Variants in SH3GL2 observed in about 807,000 individuals in gnomAD.
SH3GL2 encodes the protein endophilin-A1.
In SH3GL2, 24 loss-of-function variants were observed where a neutral mutation model predicts 46.0. That is an observed-to-expected ratio of 0.52 (90% CI 0.38 to 0.73). The LOEUF (loss-of-function observed/expected upper bound fraction) is 0.73, where lower values mean the gene tolerates loss of function less well. Ranked by LOEUF, SH3GL2 falls within the 30% of genes least tolerant of loss-of-function variation. The pLI, the probability that SH3GL2 is intolerant of heterozygous loss-of-function variation, is 0.00. For missense variants in SH3GL2, 413 were observed against 424.2 expected (o/e 0.97, Z 0.23); for synonymous variants, 196 against 147.1 (o/e 1.33, Z -2.40).
intron 1 of SH3GL2, among the ~76,000 whole-genome samples, chr9:17,584,540 G>A (rs1818336722): frequency 6.6e-6 from 1 of 152,128 alleles, no homozygotes. Context: ...GTCATCAGGA[G>A]AAAGTGGATG....
intron 3 of SH3GL2, among the ~76,000 whole-genome samples, chr9:17,784,861 C>T (rs1454704708): frequency 3.3e-5 from 5 of 152,126 alleles, no homozygotes; most frequent in Non-Finnish European, 5.9e-5. Flanking sequence ...TACAGGTGGG[C>T]ACCACCATGC....
chr9:17,762,637 G>A (rs1346124751), intron 3 of SH3GL2, among the ~76,000 whole-genome samples: 1 of 152,172 alleles, frequency 6.6e-6, no homozygotes, highest in Non-Finnish European at 1.5e-5. Flanking sequence ...GCTTATGTGA[G>A]GGAGGAAAAT....
intron 1 of SH3GL2, among the ~76,000 whole-genome samples, chr9:17,678,927 A>AGTCT (rs997107571): frequency 6.6e-6 from 1 of 152,194 alleles, no homozygotes; most frequent in African/African-American, 2.4e-5. Flanking sequence ...GATTTGTCAA[A>AGTCT]GATCAGACTG....
intron 1 of SH3GL2, among the ~76,000 whole-genome samples, chr9:17,692,335 G>A (rs1231005737): frequency 2.0e-5 from 3 of 150,850 alleles, no homozygotes; most frequent in Non-Finnish European, 4.4e-5. Context: ...ACTATTACAT[G>A]TGCTTGCTTG....
chr9:17,726,957 A>G (rs1223688606), intron 1 of SH3GL2, among the ~76,000 whole-genome samples: 2 of 152,168 alleles, frequency 1.3e-5, no homozygotes, highest in Non-Finnish European at 2.9e-5. Flanking sequence ...ACTACAAGGC[A>G]TAGATTCCAG....
intron 1 of SH3GL2, among the ~76,000 whole-genome samples, chr9:17,599,123 C>A (rs375776116): frequency 6.6e-6 from 1 of 152,096 alleles, no homozygotes; most frequent in Non-Finnish European, 1.5e-5. Context: ...AAATTTAATC[C>A]TTTTTGTCAC....
At chr9:17,596,969 A>G (rs1365387840) in intron 1 of SH3GL2, among the ~76,000 whole-genome samples, 2 of 152,182 alleles carry the variant, frequency 1.3e-5, no homozygotes, top group African/African-American at 2.4e-5. Flanking sequence ...GATGGCTTCA[A>G]TGGCAAGTGC....
At chr9:17,784,591 A>C (rs899529341) in intron 3 of SH3GL2, among the ~76,000 whole-genome samples, 1 of 152,220 alleles carries the variant, frequency 6.6e-6, no homozygotes, top group East Asian at 1.9e-4. Context: ...ACTTGTTGCC[A>C]CTGTTTATCT....
rs1822761267 is a variant in SH3GL2, at chr9:17,748,722, G to T, written c.114+1588G>T. Among the ~76,000 whole-genome samples, 4 of 152,144 alleles carry T rather than the reference G, an allele frequency of 2.6e-5. No homozygotes were observed. In the South Asian group the frequency reaches 8.3e-4, roughly 32 times the overall value. ...GAGTGCATGAAGTTCGTAGTCTAGT[G>T]GGGAGGGCAAACTTGGGGCAAGTAA... is the stretch of plus-strand genomic sequence containing the variant. On this transcript the variant is annotated intron_variant, in intron 2 of 8. Transcript: ENST00000380607.
chr9:17,791,105 A>G (rs1824113856), intron 6 of SH3GL2, 126 bp from the exon 7 acceptor site: 3 of 667,638 alleles, frequency 4.5e-6, no homozygotes, highest in Non-Finnish European at 8.2e-6. Flanking sequence ...CTTATCACAC[A>G]GTCATCAGCA....
chr9:17,588,088 A>G (rs993738541), intron 1 of SH3GL2, among the ~76,000 whole-genome samples: 2 of 152,174 alleles, frequency 1.3e-5, no homozygotes, highest in African/African-American at 2.4e-5. Flanking sequence ...TCTTAATGGT[A>G]CTTTGTTGCT....
chr9:17,589,584 A>G (rs1404272436), intron 1 of SH3GL2: 1 of 152,180 alleles, frequency 6.6e-6, no homozygotes, highest in African/African-American at 2.4e-5. Flanking sequence ...CTGAATTCTT[A>G]GTCTCTGACA....
chr9:17,664,901 T>G (rs990381642), intron 1 of SH3GL2, among the ~76,000 whole-genome samples: 24 of 152,002 alleles, frequency 1.6e-4, no homozygotes, highest in African/African-American at 5.8e-4. Flanking sequence ...GAAGAGTTTC[T>G]TTGCTTGAAA....
chr9:17,678,076 C>A (rs1820660947), intron 1 of SH3GL2, among the ~76,000 whole-genome samples: 1 of 152,144 alleles, frequency 6.6e-6, no homozygotes, highest in Non-Finnish European at 1.5e-5. Context: ...GTGAATAGTG[C>A]CGCAGTAAAC....
intron 1 of SH3GL2, among the ~76,000 whole-genome samples, chr9:17,695,664 G>A (rs980295093): frequency 5.9e-5 from 9 of 151,858 alleles, no homozygotes; most frequent in Non-Finnish European, 1.0e-4. Flanking sequence ...GTAGTGGGTT[G>A]GATGGCCATT....
At chr9:17,779,172 G>A (rs975263950) in intron 3 of SH3GL2, among the ~76,000 whole-genome samples, 3 of 152,124 alleles carry the variant, frequency 2.0e-5, no homozygotes, top group Admixed American at 6.6e-5. Flanking sequence ...CACATGCTTG[G>A]TGGCCTAACC....
chr9:17,696,153 G>A (rs1033983166), intron 1 of SH3GL2, among the ~76,000 whole-genome samples: 1 of 152,038 alleles, frequency 6.6e-6, no homozygotes, highest in African/African-American at 2.4e-5. Context: ...GGCAGCTGGA[G>A]GACTCAGGGA....
intron 2 of SH3GL2, among the ~76,000 whole-genome samples, chr9:17,749,617 C>G (rs1250326979): frequency 1.3e-5 from 2 of 152,222 alleles, no homozygotes; most frequent in Non-Finnish European, 2.9e-5. Context: ...AGGCAGCTCA[C>G]TGTCTAAAGT....
At chr9:17,581,711 CATTT>C (rs1162109650) in intron 1 of SH3GL2, among the ~76,000 whole-genome samples, 1 of 151,850 alleles carries the variant, frequency 6.6e-6, no homozygotes, top group East Asian at 1.9e-4. Flanking sequence ...TTTATTTATT[CATTT>C]GAGACAAAGT....
Sources: allele counts gnomAD v4.1 joint callset (sites outside exome capture counted in the v4.1 genomes callset), GRCh38; gene constraint gnomAD v4.1.1; transcripts MANE v1.5; gene names NCBI Gene and HGNC (gene_info 2026-07-23, HGNC 2026-07-21).